C11orf58: variants seen among roughly 807,000 people sequenced by gnomAD.
C11orf58 encodes chromosome 11 open reading frame 58, also known as small acidic protein.
C11orf58 carries 5 observed loss-of-function variants against 22.7 expected under a neutral mutation model. The ratio of observed to expected loss-of-function variants is 0.22; its 90% CI spans 0.12 to 0.46. The LOEUF is 0.46. Among genes scored for constraint, C11orf58 ranks in the 20% least tolerant of loss-of-function variants. The pLI is 0.99. For synonymous variants in C11orf58, 71 were observed against 70.7 expected (o/e 1.00, Z -0.02); for missense variants, 151 against 223.3 (o/e 0.68, Z 2.06).
rs971715623 is a variant in C11orf58 at position 16,738,664 on chromosome 11, G to A, written c.-115G>A. 7.6e-6 allele frequency: 9 copies of A among 1,179,010 alleles called. No individual in the cohort carries two copies. Among genetic ancestry groups the A allele is most frequent in the Non-Finnish European group, 1.1e-5 (9 of 791,616 alleles). 73.0% of individuals were successfully genotyped at this position (1,179,010 alleles called of 1,614,324 possible). A position where few individuals can be genotyped will look rare whatever the true frequency, so the allele number is the denominator to read the frequency against. ...ACTGTGGCAGAGAAGGCCCGGAGGGGCTCTGCGTTCTGTAGTGGCGCTGCT... is the reference window on the plus strand; with the variant it reads ...ACTGTGGCAGAGAAGGCCCGGAGGGACTCTGCGTTCTGTAGTGGCGCTGCT... On this transcript the variant is annotated 5_prime_UTR_variant, in exon 1 of 5. Coordinates refer to ENST00000228136, the MANE Select transcript of C11orf58 (RefSeq NM_014267.6).
Position 16,748,137 on chromosome 11 carries a change from C to A in C11orf58, c.188C>A (p.Ser63Ter), listed in dbSNP as rs1213851504. 1 of 1,612,960 alleles carries A rather than the reference C, an allele frequency of 6.2e-7. No individual in the cohort carries two copies. Among genetic ancestry groups the A allele is most frequent in the Non-Finnish European group, 8.5e-7 (1 of 1,179,124 alleles). Residue 63 changes from serine to a stop codon, truncating the protein, a stop_gained, in exon 3 of 5, where the codon TCA becomes TAA. Coordinates refer to ENST00000228136, the MANE Select transcript of C11orf58 (RefSeq NM_014267.6). LOFTEE classifies it high-confidence loss of function. ...CGTCTTGTTATAGGAGATCACAAAT[C>A]AACATCTCACTTCCGAACCGGTAAG... ...TGRLVIGDHK[S>*]TSHFRTGEED...
intron 3 of C11orf58, chr11:16,751,860 C>T (rs1848535916): frequency 6.6e-6 from 1 of 152,212 alleles, no homozygotes; most frequent in African/African-American, 2.4e-5. Context: ...AGAAGAGGAT[C>T]AGCTGCTTAA....
In C11orf58 at chr11:16,752,556, C is replaced by T. The variant is rs1034962945; in HGVS notation, c.209-229C>T. ...ATAACATCTACTTATTATAAGTAAG[C>T]TAAAACATTTAATACCCAAAGTGCT... On this transcript the variant is annotated intron_variant, in intron 3 of 4. Coordinates refer to ENST00000228136, the MANE Select transcript of C11orf58 (RefSeq NM_014267.6). 4 of 287,020 alleles carry T rather than the reference C, an allele frequency of 1.4e-5. No individual in the cohort carries two copies. The East Asian group carries it at 2.3e-4, about 17-fold the overall frequency. The allele number at this position is 287,020 out of a possible 1,614,324, so 17.8% of individuals were successfully genotyped here.
At chr11:16,738,946 G>C in intron 1 of C11orf58, 105 bp downstream of exon 1, 1 of 1,254,480 alleles carries the variant, frequency 8.0e-7, no homozygotes, top group South Asian at 1.2e-5. Flanking sequence ...CCTGCAGCGG[G>C]AGAGCCCAGG....
At chr11:16,744,551 AAT>A (rs1454869204) in intron 1 of C11orf58, 48 bp from the exon 2 acceptor site, 3 of 1,460,432 alleles carry the variant, frequency 2.1e-6, no homozygotes, top group Non-Finnish European at 2.9e-6. Context: ...TAGATTTCGT[AAT>A]ACTTATTTTT....
At chr11:16,741,388 G>A (rs1848447268) in intron 1 of C11orf58, among the ~76,000 whole-genome samples, 1 of 152,208 alleles carries the variant, frequency 6.6e-6, no homozygotes, top group Non-Finnish European at 1.5e-5. Flanking sequence ...CAACTTAAAA[G>A]TCGTTTCATT....
rs1047814909 is a variant in C11orf58 at position 16,756,421 on chromosome 11, C to G, written c.*1317C>G. The G allele has an allele frequency of 6.6e-6, 1 of 151,812 alleles. No individual in the cohort carries two copies. Among genetic ancestry groups the G allele is most frequent in the African/African-American group, 2.4e-5 (1 of 41,282 alleles). 9.4% of individuals were successfully genotyped at this position (151,812 alleles called of 1,614,324 possible). On this transcript the variant is annotated 3_prime_UTR_variant, in exon 5 of 5. Coordinates refer to ENST00000228136, the MANE Select transcript of C11orf58 (RefSeq NM_014267.6). ...AGTAGTTGGGACTACAGTCATGTGC[C>G]ACTACTCCTGGCTAATTTTTTGTAT...
intron 4 of C11orf58, among the ~76,000 whole-genome samples, chr11:16,753,506 G>A (rs1156332463): frequency 6.6e-6 from 1 of 152,092 alleles, no homozygotes; most frequent in African/African-American, 2.4e-5. Flanking sequence ...GGGATTACAG[G>A]TGCATGCCGC....
rs1848577287 is a variant in C11orf58 at position 16,756,316 on chromosome 11, C to CTGGAG, written c.*1215_*1219dup. 7.5e-6 allele frequency: 1 copy of CTGGAG among 132,962 alleles called. No individual in the cohort carries two copies. Among genetic ancestry groups the CTGGAG allele is most frequent in the African/African-American group, 2.9e-5 (1 of 34,788 alleles). The allele number at this position is 132,962 out of a possible 1,614,324, so 8.2% of individuals were successfully genotyped here. On this transcript the variant is annotated 3_prime_UTR_variant, in exon 5 of 5. Transcript: ENST00000228136. ...ACGGAGTCTCATTCTGTCGCCCAGGCTGGAGTGCAGTGGCGCGATCTCAGC... is the reference window on the plus strand; with the variant it reads ...ACGGAGTCTCATTCTGTCGCCCAGGCTGGAGTGGAGTGCAGTGGCGCGATCTCAGC...
chr11:16,746,985 G>C (rs76145757), intron 2 of C11orf58: 1 of 152,148 alleles, frequency 6.6e-6, no homozygotes, highest in Non-Finnish European at 1.5e-5. Flanking sequence ...ATCTTCATAT[G>C]GGGTGTTTAG....
chr11:16,750,037 AC>A (rs1475555513), intron 3 of C11orf58: 1 of 152,258 alleles, frequency 6.6e-6, no homozygotes, highest in Non-Finnish European at 1.5e-5. Context: ...GAGTAAAAAA[AC>A]AAACGTCCTT....
intron 2 of C11orf58, among the ~76,000 whole-genome samples, chr11:16,745,921 A>G (rs962082105): frequency 1.3e-5 from 2 of 152,206 alleles, no homozygotes; most frequent in Non-Finnish European, 2.9e-5. Context: ...TGTTATGCAC[A>G]TGGGAATACA....
intron 1 of C11orf58, among the ~76,000 whole-genome samples, chr11:16,741,059 G>A: frequency 6.7e-6 from 1 of 149,174 alleles, no homozygotes; most frequent in South Asian, 2.1e-4. Flanking sequence ...TGGCGCCACT[G>A]CACTCCAGCC....
rs1848595694 is a variant in C11orf58, at chr11:16,758,070, C to T, written c.*2966C>T. Among the ~76,000 whole-genome samples the T allele has an allele frequency of 5.9e-5, 9 of 152,206 alleles. No individual in the cohort carries two copies. The highest frequency in any genetic ancestry group is 5.9e-4 in the Admixed American group (9 of 15,282). On this transcript the variant is annotated 3_prime_UTR_variant, in exon 5 of 5. Transcript: ENST00000228136. ...AAATACTTGGAATATCCGAAAACAA[C>T]TTCTAAAATCACTCAATAAAAGTAT... is the stretch of plus-strand genomic sequence containing the variant.
intron 1 of C11orf58, chr11:16,739,469 C>T (rs890216635): frequency 6.5e-6 from 1 of 152,788 alleles, no homozygotes; most frequent in Non-Finnish European, 1.5e-5. Context: ...CTCGTCTCCC[C>T]ATCAAATGCC....
Position 16,755,144 on chromosome 11 carries a change from T to C in C11orf58, c.*40T>C, listed in dbSNP as rs892818113. ...GTCTTTGTATTAAAAGTAAGCCTTA[T>C]TGTTACAATGCACAGTGGAGGACTG... On this transcript the variant is annotated 3_prime_UTR_variant, in exon 5 of 5. Transcript: ENST00000228136. The C allele has an allele frequency of 6.2e-7, 1 of 1,602,154 alleles. No homozygotes were observed.
intron 2 of C11orf58, 47 bp from the exon 3 acceptor site, chr11:16,748,050 T>C (rs1219721939): frequency 6.9e-7 from 1 of 1,451,656 alleles, no homozygotes; most frequent in Non-Finnish European, 9.7e-7. Context: ...CCCAATAAGG[T>C]TAAATTAGTG....
At chr11:16,754,812 C>T (rs1361582928) in intron 4 of C11orf58, 59 bp from the exon 5 acceptor site, 2 of 1,589,618 alleles carry the variant, frequency 1.3e-6, no homozygotes, top group Non-Finnish European at 1.7e-6. Flanking sequence ...TACGGTCTTT[C>T]TCAGATTTTG....
At chr11:16,739,518 C>T (rs2134065759) in intron 1 of C11orf58, 1 of 152,458 alleles carries the variant, frequency 6.6e-6, no homozygotes, top group East Asian at 1.9e-4. Flanking sequence ...GTTTTAATAG[C>T]AAACGGTTTA....
Sources: gnomAD v4.1 joint callset for allele counts (sites outside exome capture counted in the v4.1 genomes callset) on GRCh38, gnomAD v4.1.1 for gene constraint, MANE v1.5 for transcripts, NCBI Gene and HGNC (gene_info 2026-07-23, HGNC 2026-07-21) for gene names.